The following SGCZ variants were observed in gnomAD, a reference collection of about 807,000 sequenced individuals.
The protein encoded by SGCZ is zeta-sarcoglycan.
In SGCZ, 40 loss-of-function variants were observed where a neutral mutation model predicts 41.3. That is an observed-to-expected ratio of 0.97 (90% CI 0.75 to 1.26). The LOEUF (loss-of-function observed/expected upper bound fraction) is 1.26. SGCZ is among the 50% of genes most tolerant of loss of function. The pLI, the probability that SGCZ is intolerant of heterozygous loss-of-function variation, is 0.00. For missense variants in SGCZ, 552 were observed against 369.8 expected (o/e 1.49, Z -4.04); for synonymous variants, 206 against 137.5 (o/e 1.50, Z -3.49).
chr8:14,676,087 A>G (rs1437498787), intron 1 of SGCZ, among the ~76,000 whole-genome samples: 2 of 152,234 alleles, frequency 1.3e-5, no homozygotes, highest in Admixed American at 1.3e-4. Flanking sequence ...AATAATTCTC[A>G]GGGATCAACC....
chr8:14,477,700 G>C (rs1801401102), intron 2 of SGCZ, among the ~76,000 whole-genome samples: 1 of 152,076 alleles, frequency 6.6e-6, no homozygotes, highest in African/African-American at 2.4e-5. Flanking sequence ...GAAGTGTTCT[G>C]CTTTTCCTAA....
At chr8:14,334,447 C>G (rs1340843820) in intron 2 of SGCZ, among the ~76,000 whole-genome samples, 2 of 152,052 alleles carry the variant, frequency 1.3e-5, no homozygotes, top group Non-Finnish European at 2.9e-5. Flanking sequence ...AACACAAGTC[C>G]AGTCCTCTCA....
rs563288365 is a variant in SGCZ at position 14,717,518 on chromosome 8, G to A, written c.40-162592C>T. The stretch of plus-strand genomic sequence containing the variant: ...AAGGTACTGGTAAGAGTGACTCAAG[G>A]AGAGGAGAGTTCTGTCCATTCTCTC... On this transcript the variant is annotated intron_variant, in intron 1 of 7. Coordinates refer to ENST00000382080, the MANE Select transcript of SGCZ (RefSeq NM_139167.4). Among the ~76,000 whole-genome samples, 41 of 152,198 alleles carry A rather than the reference G, an allele frequency of 2.7e-4. 1 individual carries two copies. The South Asian group carries it at 7.2e-3, about 27-fold the overall frequency.
intron 1 of SGCZ, among the ~76,000 whole-genome samples, chr8:14,973,033 C>A (rs1801351956): frequency 6.6e-6 from 1 of 152,112 alleles, no homozygotes; most frequent in African/African-American, 2.4e-5. Context: ...CATTATGAGT[C>A]CTAATTTACT....
At chr8:14,798,688 G>T (rs1392747113) in intron 1 of SGCZ, among the ~76,000 whole-genome samples, 1 of 151,116 alleles carries the variant, frequency 6.6e-6, no homozygotes, top group Non-Finnish European at 1.5e-5. Context: ...AAGTGAAAAA[G>T]GAGTATGAAG....
rs150168988 is a variant in SGCZ at position 14,380,315 on chromosome 8, A to C, written c.235-56111T>G. The stretch of plus-strand genomic sequence containing the variant: ...TCTTTGATGCTTTTTCTTTTTCTTA[A>C]AGGCATTCTTCAATCAATATTAGAT... On this transcript the variant is annotated intron_variant, in intron 2 of 7. Transcript: ENST00000382080. Among the ~76,000 whole-genome samples the C allele has an allele frequency of 5.3e-5, 8 of 152,196 alleles. No homozygotes were observed. In the South Asian group the frequency reaches 6.2e-4, roughly 12 times the overall value.
At chr8:14,873,663 C>A (rs1188917865) in intron 1 of SGCZ, among the ~76,000 whole-genome samples, 3 of 152,040 alleles carry the variant, frequency 2.0e-5, no homozygotes, top group African/African-American at 7.2e-5. Flanking sequence ...CAGTCTCCAG[C>A]AAGAATAAAG....
intron 1 of SGCZ, among the ~76,000 whole-genome samples, chr8:15,160,643 T>C (rs565663340): frequency 1.3e-5 from 2 of 152,200 alleles, no homozygotes; most frequent in Non-Finnish European, 2.9e-5. Flanking sequence ...CATTTTCACA[T>C]TAAAACTATA....
chr8:14,342,947 C>T (rs1802762128), intron 2 of SGCZ, among the ~76,000 whole-genome samples: 1 of 152,084 alleles, frequency 6.6e-6, no homozygotes. Flanking sequence ...GGTCCCTGGG[C>T]TGTGTGTGCA....
At position 14,580,686 on chromosome 8, in the gene SGCZ, G is replaced by A. The variant is rs531069780; in HGVS notation, c.40-25760C>T. On this transcript the variant is annotated intron_variant, in intron 1 of 7. Transcript: ENST00000382080. ...AAAATTAGAGTTTAAAACATTTTGGGAAAGCTTTTGGCAAATAATTATGGC... is the reference window on the plus strand; with the variant it reads ...AAAATTAGAGTTTAAAACATTTTGGAAAAGCTTTTGGCAAATAATTATGGC... Among the ~76,000 whole-genome samples, 19 of 152,274 alleles carry A rather than the reference G, an allele frequency of 1.2e-4. No individual in the cohort carries two copies. In the South Asian group the frequency reaches 3.3e-3, roughly 27 times the overall value.
At chr8:14,521,157 T>C (rs12548085) in intron 2 of SGCZ, among the ~76,000 whole-genome samples, 28,046 of 152,110 alleles carry the variant, frequency 0.18, 3,162 homozygotes, top group Non-Finnish European at 0.26. Context: ...AATATTTCCA[T>C]CACCAGAAGG....
intron 1 of SGCZ, among the ~76,000 whole-genome samples, chr8:14,742,777 G>A (rs1171871297): frequency 6.6e-6 from 1 of 152,022 alleles, no homozygotes; most frequent in Non-Finnish European, 1.5e-5. Context: ...ATAAGGAAGA[G>A]GTTAGAAGCA....
chr8:14,330,677 C>A (rs573122693), intron 2 of SGCZ, among the ~76,000 whole-genome samples: 2 of 151,982 alleles, frequency 1.3e-5, no homozygotes, highest in South Asian at 2.1e-4. Context: ...TTGCAATGAT[C>A]TCATGGTAAT....
At chr8:14,146,523 G>C (rs1803525162) in intron 5 of SGCZ, among the ~76,000 whole-genome samples, 1 of 152,116 alleles carries the variant, frequency 6.6e-6, no homozygotes, top group Admixed American at 6.6e-5. Flanking sequence ...GCCATAGTAA[G>C]TAAACAGAAA....
At position 14,238,377 on chromosome 8, in the gene SGCZ, T is replaced by C. The variant is rs573878571; in HGVS notation, c.337-698A>G. Among the ~76,000 whole-genome samples the C allele has an allele frequency of 5.9e-5, 9 of 152,324 alleles. No individual in the cohort carries two copies. In the East Asian group the frequency reaches 9.6e-4, roughly 16 times the overall value. On this transcript the variant is annotated intron_variant, in intron 3 of 7. Coordinates refer to ENST00000382080, the MANE Select transcript of SGCZ (RefSeq NM_139167.4). Reference sequence around the variant, plus strand: ...AGATAAAAAAATCTTCAGAGTAAAATTGATACTATAGTAACTTATTTTTCA... The same window carrying C: ...AGATAAAAAAATCTTCAGAGTAAAACTGATACTATAGTAACTTATTTTTCA...
chr8:14,462,607 A>G (rs1800933063), intron 2 of SGCZ, among the ~76,000 whole-genome samples: 1 of 151,990 alleles, frequency 6.6e-6, no homozygotes, highest in Non-Finnish European at 1.5e-5. Context: ...GTACCACACT[A>G]TTGATTACTG....
chr8:14,904,657 G>T (rs553416251), intron 1 of SGCZ, among the ~76,000 whole-genome samples: 1 of 152,040 alleles, frequency 6.6e-6, no homozygotes, highest in African/African-American at 2.4e-5. Context: ...TAGTGAAAGA[G>T]ATTCTCTCCT....
intron 5 of SGCZ, among the ~76,000 whole-genome samples, chr8:14,135,095 C>A (rs2117066483): frequency 6.6e-6 from 1 of 152,104 alleles, no homozygotes; most frequent in South Asian, 2.1e-4. Flanking sequence ...AAGCAACCAC[C>A]ACCCAGATCA....
At chr8:15,103,759 T>A (rs1806704875) in intron 1 of SGCZ, among the ~76,000 whole-genome samples, 1 of 152,118 alleles carries the variant, frequency 6.6e-6, no homozygotes, top group Non-Finnish European at 1.5e-5. Context: ...GAAAGCTTGG[T>A]ACCATTAAAC....
Sources: gnomAD v4.1 joint callset for allele counts (sites outside exome capture counted in the v4.1 genomes callset) on GRCh38, gnomAD v4.1.1 for gene constraint, MANE v1.5 for transcripts, NCBI Gene and HGNC (gene_info 2026-07-23, HGNC 2026-07-21) for gene names.